Variants in CNTNAP2 observed in about 807,000 individuals in gnomAD.
CNTNAP2 encodes contactin-associated protein-like 2.
A neutral mutation model predicts 155.2 loss-of-function variants in CNTNAP2; 98 were observed. The ratio of observed to expected loss-of-function variants is 0.63; its 90% CI spans 0.54 to 0.75. The LOEUF is 0.75. CNTNAP2 is among the 30% of genes least tolerant of loss of function. The pLI is 0.00. For synonymous variants in CNTNAP2, 651 were observed against 631.2 expected, an observed-to-expected ratio of 1.03 and a Z score of -0.47; for missense variants, 1,727 against 1,688.1, an observed-to-expected ratio of 1.02 and a Z score of -0.40.
chr7:146,951,613 G>A (rs905740011), intron 3 of CNTNAP2, among the ~76,000 whole-genome samples: 5 of 152,208 alleles, frequency 3.3e-5, no homozygotes, highest in Admixed American at 1.3e-4. Flanking sequence ...GTAGATGTGT[G>A]ACATTATTTC....
chr7:146,407,010 G>A (rs1795801508), intron 1 of CNTNAP2, among the ~76,000 whole-genome samples: 1 of 152,182 alleles, frequency 6.6e-6, no homozygotes. Flanking sequence ...ATTATAGGAT[G>A]AGAGTTTTGA....
At chr7:147,348,633 C>T (rs747289742) in intron 9 of CNTNAP2, among the ~76,000 whole-genome samples, 4 of 151,960 alleles carry the variant, frequency 2.6e-5, no homozygotes, top group Non-Finnish European at 5.9e-5. Context: ...TCCAGCAATC[C>T]TACTAATGGG....
chr7:146,869,880 G>T (rs117931503), intron 3 of CNTNAP2, among the ~76,000 whole-genome samples: 1 of 152,070 alleles, frequency 6.6e-6, no homozygotes, highest in Non-Finnish European at 1.5e-5. Flanking sequence ...CCACTGACTC[G>T]AATATTAATC....
chr7:147,573,290 A>C (rs1800329265), intron 12 of CNTNAP2, among the ~76,000 whole-genome samples: 1 of 152,148 alleles, frequency 6.6e-6, no homozygotes, highest in East Asian at 1.9e-4. Flanking sequence ...TTAGCATTGA[A>C]CTCTTCACAT....
chr7:146,169,127 A>C (rs1338742715), intron 1 of CNTNAP2, among the ~76,000 whole-genome samples: 1 of 152,154 alleles, frequency 6.6e-6, no homozygotes, highest in Non-Finnish European at 1.5e-5. Flanking sequence ...CGCTCTGTTC[A>C]ACTATTCTAT....
chr7:146,475,013 G>GCGCGCGCA (rs71525954), intron 1 of CNTNAP2, among the ~76,000 whole-genome samples: 23 of 144,302 alleles, frequency 1.6e-4, no homozygotes, highest in African/African-American at 5.8e-4. Flanking sequence ...GCGCGCGCGC[G>GCGCGCGCA]CACACACACA....
chr7:147,786,071 C>T (rs1797734069), intron 13 of CNTNAP2, among the ~76,000 whole-genome samples: 2 of 152,076 alleles, frequency 1.3e-5, no homozygotes, highest in Admixed American at 6.5e-5. Flanking sequence ...GCGGGTGGAT[C>T]ATGAGGTCAA....
chr7:147,179,759 G>T (rs979783225), intron 8 of CNTNAP2, among the ~76,000 whole-genome samples: 2 of 151,974 alleles, frequency 1.3e-5, no homozygotes, highest in Non-Finnish European at 2.9e-5. Context: ...GAGAAATATA[G>T]GAAAACTCCA....
rs115637388 is a variant in CNTNAP2 at position 146,743,747 on chromosome 7, C to A, written c.98-30524C>A. Among the ~76,000 whole-genome samples, 1,140 of 152,224 alleles carry A rather than the reference C, an allele frequency of 7.5e-3. 20 individuals are homozygous for A. Among genetic ancestry groups the A allele is most frequent in the African/African-American group, 0.024 (996 of 41,526 alleles). ...AGACCTGACAATTTCAAACACCATA[C>A]AATAGGGAACAGCATCCAAGACAGC... On this transcript the variant is annotated intron_variant, in intron 1 of 23. Transcript: ENST00000361727.
intron 13 of CNTNAP2, among the ~76,000 whole-genome samples, chr7:147,837,173 G>A (rs747029548): frequency 2.0e-5 from 3 of 152,164 alleles, no homozygotes; most frequent in African/African-American, 4.8e-5. Flanking sequence ...AAAGAAAGAG[G>A]TTTAATGGAC....
intron 1 of CNTNAP2, among the ~76,000 whole-genome samples, chr7:146,151,025 A>T (rs1334251710): frequency 6.6e-6 from 1 of 152,110 alleles, no homozygotes; most frequent in East Asian, 1.9e-4. Flanking sequence ...CACCTTCATC[A>T]CAAGGTGGCA....
intron 1 of CNTNAP2, among the ~76,000 whole-genome samples, chr7:146,248,763 G>A (rs948461067): frequency 6.6e-6 from 1 of 152,182 alleles, no homozygotes; most frequent in South Asian, 2.1e-4. Flanking sequence ...CAGGAGGACA[G>A]GGGATTGATC....
At chr7:146,341,801 A>G (rs983699830) in intron 1 of CNTNAP2, among the ~76,000 whole-genome samples, 5 of 152,180 alleles carry the variant, frequency 3.3e-5, no homozygotes, top group African/African-American at 1.2e-4. Context: ...CATGCTGTAC[A>G]GTGCTTTGTA....
intron 1 of CNTNAP2, among the ~76,000 whole-genome samples, chr7:146,193,303 T>A (rs1036841155): frequency 3.9e-5 from 6 of 152,184 alleles, no homozygotes; most frequent in African/African-American, 1.2e-4. Flanking sequence ...CAACCCCACA[T>A]TTCTCTTCTG....
chr7:147,265,670 G>C (rs1804590888), intron 8 of CNTNAP2, among the ~76,000 whole-genome samples: 1 of 152,178 alleles, frequency 6.6e-6, no homozygotes, highest in Non-Finnish European at 1.5e-5. Context: ...AAAGTGCTTT[G>C]TTAAATGGGT....
At chr7:146,196,198 C>T (rs537984237) in intron 1 of CNTNAP2, among the ~76,000 whole-genome samples, 2 of 152,246 alleles carry the variant, frequency 1.3e-5, no homozygotes, top group Non-Finnish European at 1.5e-5. Flanking sequence ...CCTTAAAAGA[C>T]ATTTGACAGA....
chr7:147,313,892 T>A (rs1284348243), intron 9 of CNTNAP2, among the ~76,000 whole-genome samples: 1 of 151,416 alleles, frequency 6.6e-6, no homozygotes, highest in African/African-American at 2.4e-5. Context: ...TTCCTACCCA[T>A]GAGTATGGAA....
intron 10 of CNTNAP2, among the ~76,000 whole-genome samples, chr7:147,452,938 G>A (rs1236596463): frequency 6.6e-6 from 1 of 151,112 alleles, no homozygotes; most frequent in East Asian, 2.0e-4. Flanking sequence ...GAATGGGAGG[G>A]AGGGAGAAGA....
intron 9 of CNTNAP2, among the ~76,000 whole-genome samples, chr7:147,319,041 G>A (rs1250618013): frequency 6.6e-6 from 1 of 152,088 alleles, no homozygotes; most frequent in Admixed American, 6.5e-5. Flanking sequence ...TAGCACTTGT[G>A]TTTAAATGTA....
Sources: allele counts gnomAD v4.1 joint callset (sites outside exome capture counted in the v4.1 genomes callset), GRCh38; gene constraint gnomAD v4.1.1; transcripts MANE v1.5; gene names NCBI Gene and HGNC (gene_info 2026-07-23, HGNC 2026-07-21).